Variants in TRPM3 observed in about 807,000 individuals in gnomAD.
TRPM3 encodes the protein transient receptor potential cation channel subfamily M member 3, also known as long transient receptor potential channel 3.
In TRPM3, 77 loss-of-function variants were observed where a neutral mutation model predicts 181.2. The ratio of observed to expected loss-of-function variants is 0.42; its 90% confidence interval spans 0.35 to 0.51. The LOEUF is 0.51. Ranked by LOEUF, TRPM3 falls within the 20% of genes least tolerant of loss-of-function variation. The pLI, the probability that TRPM3 is intolerant of heterozygous loss-of-function variation, is 0.01. For missense variants in TRPM3, 1,759 were observed against 2,196.7 expected, an observed-to-expected ratio of 0.80 and a Z score of 3.98; for synonymous variants, 745 against 796.4, an observed-to-expected ratio of 0.94 and a Z score of 1.09.
intron 1 of TRPM3, among the ~76,000 whole-genome samples, chr9:71,331,492 G>A (rs1446169930): frequency 1.3e-5 from 2 of 151,660 alleles, no homozygotes; most frequent in Non-Finnish European, 2.9e-5. Flanking sequence ...TATATTCTAT[G>A]TAAAACATAA....
intron 1 of TRPM3, among the ~76,000 whole-genome samples, chr9:71,063,072 C>A (rs999420301): frequency 6.6e-6 from 1 of 152,146 alleles, no homozygotes; most frequent in African/African-American, 2.4e-5. Context: ...ACCTTGCTTT[C>A]TGAAGTAACA....
At chr9:71,013,768 A>G (rs1394388648) in intron 1 of TRPM3, among the ~76,000 whole-genome samples, 1 of 152,032 alleles carries the variant, frequency 6.6e-6, no homozygotes, top group African/African-American at 2.4e-5. Context: ...GTGTTTATCC[A>G]TTGCCATCTC....
intron 1 of TRPM3, among the ~76,000 whole-genome samples, chr9:71,290,393 T>C (rs996112557): frequency 4.6e-5 from 7 of 152,240 alleles, no homozygotes; most frequent in African/African-American, 1.7e-4. Context: ...TGATTTCTGT[T>C]TGCAATACTT....
intron 1 of TRPM3, among the ~76,000 whole-genome samples, chr9:71,029,766 T>C (rs1025667329): frequency 6.6e-6 from 1 of 152,192 alleles, no homozygotes; most frequent in Admixed American, 6.5e-5. Context: ...TGGGTCCTTA[T>C]ATAGATATGT....
At chr9:70,816,711 G>T (rs886665486) in intron 6 of TRPM3, among the ~76,000 whole-genome samples, 5 of 152,216 alleles carry the variant, frequency 3.3e-5, no homozygotes, top group African/African-American at 1.2e-4. Flanking sequence ...GAAATGATGT[G>T]TAACAAAATA....
chr9:71,158,975 C>A (rs2076139596), intron 1 of TRPM3, among the ~76,000 whole-genome samples: 1 of 152,022 alleles, frequency 6.6e-6, no homozygotes, highest in Admixed American at 6.6e-5. Flanking sequence ...GGAATCTACA[C>A]CATCAGTGCT....
At chr9:71,411,139 C>T (rs1450379770) in intron 1 of TRPM3, among the ~76,000 whole-genome samples, 1 of 152,170 alleles carries the variant, frequency 6.6e-6, no homozygotes, top group Admixed American at 6.5e-5. Flanking sequence ...AACCCACAGC[C>T]AATATCATAC....
intron 1 of TRPM3, among the ~76,000 whole-genome samples, chr9:70,882,271 T>G (rs2132707350): frequency 6.6e-6 from 1 of 152,290 alleles, no homozygotes; most frequent in African/African-American, 2.4e-5. Context: ...TTTATCCTTC[T>G]GAGACTCCTA....
At chr9:70,939,577 C>T (rs922948308) in intron 1 of TRPM3, among the ~76,000 whole-genome samples, 3 of 152,004 alleles carry the variant, frequency 2.0e-5, no homozygotes, top group African/African-American at 7.3e-5. Flanking sequence ...ATCAGATGTG[C>T]CCACAAGGGT....
At chr9:71,201,875 A>AGGAGGAGAGGCG (rs2078817485) in intron 1 of TRPM3, among the ~76,000 whole-genome samples, 1 of 152,198 alleles carries the variant, frequency 6.6e-6, no homozygotes, top group Non-Finnish European at 1.5e-5. Flanking sequence ...CTGGTGAGGA[A>AGGAGGAGAGGCG]CTGCGTTCCT....
intron 9 of TRPM3, among the ~76,000 whole-genome samples, chr9:70,660,895 A>C (rs1384313216): frequency 6.6e-6 from 1 of 152,070 alleles, no homozygotes; most frequent in Non-Finnish European, 1.5e-5. Context: ...AACTATTCCA[A>C]ATGATAGAGA....
rs772164506 is a variant in TRPM3, at chr9:70,534,303, G to A, written c.*1650C>T. The A allele has an allele frequency of 1.3e-5, 2 of 152,192 alleles. No homozygotes were observed. Among genetic ancestry groups the A allele is most frequent in the African/African-American group, 4.8e-5 (2 of 41,446 alleles). The allele number at this position is 152,192 out of a possible 1,614,324, so 9.4% of individuals were successfully genotyped here. A position where few individuals can be genotyped will look rare whatever the true frequency, so the allele number is the denominator to read the frequency against. On this transcript the variant is annotated 3_prime_UTR_variant, in exon 26 of 26. Transcript: ENST00000677713. Reference sequence around the variant, plus strand: ...AAAAAGGGCAGAAGGCGAGCAGTGAGTCATTTTGACAACTCTAGTTTGATA... The same window carrying A: ...AAAAAGGGCAGAAGGCGAGCAGTGAATCATTTTGACAACTCTAGTTTGATA...
rs566344355 is a variant in TRPM3 at position 71,115,174 on chromosome 9, G to A, written c.177+6004C>T. Among the ~76,000 whole-genome samples the A allele has an allele frequency of 1.8e-4, 27 of 152,162 alleles. No homozygotes were observed. The South Asian group carries it at 5.6e-3, about 32-fold the overall frequency. ...CCCAGATACCAGCATCAGAGGGGCC[G>A]CTGAATTAAGTTTCCATCCAGCTCA... On this transcript the variant is annotated intron_variant, in intron 1 of 25. Coordinates refer to ENST00000677713, the MANE Select transcript of TRPM3 (RefSeq NM_001366145.2).
At chr9:70,965,445 A>G (rs2097175569) in intron 1 of TRPM3, among the ~76,000 whole-genome samples, 1 of 152,118 alleles carries the variant, frequency 6.6e-6, no homozygotes, top group South Asian at 2.1e-4. Flanking sequence ...TTTTATAACA[A>G]TCAAGTGACA....
At chr9:70,886,460 C>T (rs1033257918) in intron 1 of TRPM3, among the ~76,000 whole-genome samples, 1 of 152,038 alleles carries the variant, frequency 6.6e-6, no homozygotes, top group Non-Finnish European at 1.5e-5. Flanking sequence ...TTATATTGTA[C>T]AACAAATGCA....
At chr9:71,082,187 T>G (rs770499669) in intron 1 of TRPM3, among the ~76,000 whole-genome samples, 4 of 152,210 alleles carry the variant, frequency 2.6e-5, no homozygotes, top group Non-Finnish European at 4.4e-5. Context: ...TGTAGGAATA[T>G]ATCAGATGTA....
intron 1 of TRPM3, among the ~76,000 whole-genome samples, chr9:71,149,680 A>C (rs1440729500): frequency 1.3e-5 from 2 of 152,174 alleles, no homozygotes; most frequent in Admixed American, 1.3e-4. Context: ...ATTTATATTA[A>C]TAAACAAAAA....
At chr9:70,655,407 A>G (rs1181095052) in intron 9 of TRPM3, among the ~76,000 whole-genome samples, 1 of 151,776 alleles carries the variant, frequency 6.6e-6, no homozygotes, top group Non-Finnish European at 1.5e-5. Context: ...TGACCTGCAA[A>G]CTATGGAGTT....
intron 1 of TRPM3, among the ~76,000 whole-genome samples, chr9:71,309,166 C>A (rs2087674722): frequency 6.6e-6 from 1 of 152,076 alleles, no homozygotes. Context: ...ATTACTTATA[C>A]CTTTTCAAAA....
Sources: gnomAD v4.1 joint callset for allele counts (sites outside exome capture counted in the v4.1 genomes callset) on GRCh38, gnomAD v4.1.1 for gene constraint, MANE v1.5 for transcripts, NCBI Gene and HGNC (gene_info 2026-07-23, HGNC 2026-07-21) for gene names.